Variants in RARRES1 observed in about 807,000 individuals in gnomAD.
RARRES1 encodes retinoic acid receptor responder 1.
Under a neutral mutation model 30.6 loss-of-function variants are expected in RARRES1, and 34 were observed. The ratio of observed to expected loss-of-function variants is 1.11; its 90% CI spans 0.84 to 1.48. The LOEUF is 1.48. Ranked by LOEUF, RARRES1 falls within the 40% of genes most tolerant of loss-of-function variation. The probability of loss-of-function intolerance (pLI) is 0.00; values close to 1 mark genes in which losing one functional copy is unlikely to be tolerated. For missense variants in RARRES1, 373 were observed against 386.5 expected (o/e 0.97, Z 0.29); for synonymous variants, 153 against 155.5 (o/e 0.98, Z 0.12).
intron 1 of RARRES1, among the ~76,000 whole-genome samples, chr3:158,714,725 A>G (rs1030610988): frequency 6.6e-6 from 1 of 152,154 alleles, no homozygotes; most frequent in Non-Finnish European, 1.5e-5. Context: ...TTTTTTTAAG[A>G]GAGCAAAATG....
At chr3:158,708,789 C>A (rs1727013064) in intron 3 of RARRES1, among the ~76,000 whole-genome samples, 1 of 152,132 alleles carries the variant, frequency 6.6e-6, no homozygotes, top group Admixed American at 6.5e-5. Flanking sequence ...GCCTCAGCCT[C>A]CCAAGTAGCT....
chr3:158,713,191 C>T lies in RARRES1; in HGVS notation c.339+606G>A, dbSNP rs575205338. On this transcript the variant is annotated intron_variant, in intron 2 of 5. Coordinates refer to ENST00000237696, the MANE Select transcript of RARRES1 (RefSeq NM_206963.2). The stretch of plus-strand genomic sequence containing the variant: ...TCCTCTCCGCCCATGCTCTGATTGC[C>T]GCCTTTCAGCTTGGCCTAGCACAAG... Among the ~76,000 whole-genome samples the T allele has an allele frequency of 8.5e-5, 13 of 152,204 alleles. No homozygotes were observed. The South Asian group carries it at 2.1e-3, about 24-fold the overall frequency.
At chr3:158,718,420 G>A (rs901328950) in intron 1 of RARRES1, among the ~76,000 whole-genome samples, 3 of 152,186 alleles carry the variant, frequency 2.0e-5, no homozygotes, top group Non-Finnish European at 4.4e-5. Context: ...AGCTCTGAAG[G>A]CCTACTCAAA....
chr3:158,708,768 GC>G (rs1273229738), intron 3 of RARRES1, among the ~76,000 whole-genome samples: 2 of 151,962 alleles, frequency 1.3e-5, no homozygotes, highest in Non-Finnish European at 2.9e-5. Flanking sequence ...TGGTTCAAGC[GC>G]GATTCTTTTG....
intron 1 of RARRES1, among the ~76,000 whole-genome samples, chr3:158,719,859 G>A (rs28411835): frequency 1.3e-5 from 2 of 151,958 alleles, no homozygotes; most frequent in African/African-American, 4.8e-5. Context: ...TTTGGTAAAT[G>A]ATCCTCAAAT....
In RARRES1 at chr3:158,697,085, A is replaced by T. The variant is rs534576007; in HGVS notation, c.*593T>A. The T allele has an allele frequency of 9.2e-5, 14 of 152,300 alleles. No individual in the cohort carries two copies. The East Asian group carries it at 2.7e-3, about 29-fold the overall frequency. The allele number at this position is 152,300 out of a possible 1,614,324, so 9.4% of individuals were successfully genotyped here. ...ATTTTTCCTTTGTATACAAATCTTC[A>T]CGAGAACATTCAACACATTTCATTA... On this transcript the variant is annotated 3_prime_UTR_variant, in exon 6 of 6. Transcript: ENST00000237696.
At chr3:158,720,837 A>G (rs1219953944) in intron 1 of RARRES1, among the ~76,000 whole-genome samples, 1 of 152,112 alleles carries the variant, frequency 6.6e-6, no homozygotes, top group Non-Finnish European at 1.5e-5. Context: ...CAGCCATTGG[A>G]TTTAGGGCCC....
At position 158,732,159 on chromosome 3, in the gene RARRES1, A is replaced by T; in HGVS notation, c.257T>A (p.Val86Glu). 1 of 1,402,426 alleles carries T rather than the reference A, an allele frequency of 7.1e-7. No homozygotes were observed. The highest frequency in any genetic ancestry group is 9.2e-7 in the Non-Finnish European group (1 of 1,085,972). 86.9% of individuals were successfully genotyped at this position (1,402,426 alleles called of 1,614,324 possible). A position where few individuals can be genotyped will look rare whatever the true frequency, so the allele number is the denominator to read the frequency against. The change falls in exon 1 of 6, where the codon GTG (valine) becomes GAG (glutamate). Residue 86 changes from valine (V) to glutamate (E), a missense_variant. Transcript: ENST00000237696. ...ACTCACCCACGCGCGGCCCTCCTGC[A>T]CCTCGGCCAGCACTCGTAGCGCGCT... Reference protein sequence around the residue: ...SPSALRVLAEVQEGRAWINPK... With the variant: ...SPSALRVLAEEQEGRAWINPK...
At chr3:158,699,974 A>G (rs528627410) in intron 4 of RARRES1, among the ~76,000 whole-genome samples, 1 of 152,210 alleles carries the variant, frequency 6.6e-6, no homozygotes, top group South Asian at 2.1e-4. Flanking sequence ...TATTTGTCTC[A>G]GACTTTTGTG....
At chr3:158,725,026 G>A (rs768884110) in intron 1 of RARRES1, among the ~76,000 whole-genome samples, 4 of 152,056 alleles carry the variant, frequency 2.6e-5, no homozygotes, top group Non-Finnish European at 5.9e-5. Flanking sequence ...GTCTCATCAC[G>A]TTGCCCAGGC....
rs1727934549 is a variant in RARRES1, at chr3:158,732,294, C to G, written c.122G>C (p.Gly41Ala). 2.2e-6 allele frequency: 3 copies of G among 1,344,496 alleles called. No homozygotes were observed. The highest frequency in any genetic ancestry group is 1.9e-5 in the South Asian group (1 of 51,400). 83.3% of individuals were successfully genotyped at this position (1,344,496 alleles called of 1,614,324 possible). ...AGGCTGCCCAGGGTCGTCGGGGTCC[C>G]CGGACCCCGCGGGCGCCGCCACCGG... Reference protein sequence around the residue: ...LAPVAAPAGSGDPDDPGQPQD... With the variant: ...LAPVAAPAGSADPDDPGQPQD... Residue 41 changes from glycine to alanine, a missense_variant, in exon 1 of 6, where the codon GGG (glycine) becomes GCG (alanine). By Grantham distance (60) the Gly-to-Ala change is moderately conservative. Coordinates refer to ENST00000237696, the MANE Select transcript of RARRES1 (RefSeq NM_206963.2).
At chr3:158,706,030 A>G (rs1269037297) in intron 3 of RARRES1, among the ~76,000 whole-genome samples, 1 of 152,234 alleles carries the variant, frequency 6.6e-6, no homozygotes, top group African/African-American at 2.4e-5. Context: ...AGGCCTAATA[A>G]TAGCACAGTA....
intron 2 of RARRES1, among the ~76,000 whole-genome samples, chr3:158,712,076 T>C (rs954343710): frequency 6.6e-6 from 1 of 152,194 alleles, no homozygotes; most frequent in Non-Finnish European, 1.5e-5. Flanking sequence ...AGGGAACTTA[T>C]TCCCTGAAAA....
intron 4 of RARRES1, 93 bp from the exon 5 acceptor site, chr3:158,698,063 G>T (rs1488084839): frequency 1.6e-5 from 14 of 878,322 alleles, no homozygotes; most frequent in Non-Finnish European, 2.4e-5. Flanking sequence ...GGTGCCTTGT[G>T]TCTCCTACTG....
intron 3 of RARRES1, among the ~76,000 whole-genome samples, chr3:158,709,944 G>A (rs1428093318): frequency 6.6e-6 from 1 of 152,212 alleles, no homozygotes; most frequent in Non-Finnish European, 1.5e-5. Context: ...CTTGAAATGA[G>A]ATAAACATGA....
chr3:158,725,304 T>C (rs9811858), intron 1 of RARRES1, among the ~76,000 whole-genome samples: 22,273 of 152,166 alleles, frequency 0.15, 1,738 homozygotes, highest in South Asian at 0.22. Flanking sequence ...CACATAAGTG[T>C]CATACATCTC....
chr3:158,720,706 C>G (rs1001717063), intron 1 of RARRES1, among the ~76,000 whole-genome samples: 1 of 152,152 alleles, frequency 6.6e-6, no homozygotes, highest in African/African-American at 2.4e-5. Context: ...GCAATCATAG[C>G]TCACTGCAGC....
At chr3:158,711,159 A>C (rs1173341903) in intron 2 of RARRES1, among the ~76,000 whole-genome samples, 5 of 152,066 alleles carry the variant, frequency 3.3e-5, no homozygotes, top group Admixed American at 3.3e-4. Context: ...ATAAAATGAC[A>C]TTGGGCATAT....
intron 3 of RARRES1, among the ~76,000 whole-genome samples, chr3:158,707,162 A>G (rs1000409050): frequency 6.9e-6 from 1 of 145,800 alleles, no homozygotes; most frequent in Admixed American, 6.8e-5. Context: ...CTCTGTCTCA[A>G]AAAAACAAAC....
Sources: gnomAD v4.1 joint callset for allele counts (sites outside exome capture counted in the v4.1 genomes callset) on GRCh38, gnomAD v4.1.1 for gene constraint, MANE v1.5 for transcripts, NCBI Gene and HGNC (gene_info 2026-07-23, HGNC 2026-07-21) for gene names.